Variants in COL10A1 observed in about 807,000 individuals in gnomAD.
The protein encoded by COL10A1 is collagen alpha-1(X) chain.
In COL10A1, 10 loss-of-function variants were observed where a neutral mutation model predicts 18.2. The ratio of observed to expected loss-of-function variants is 0.55; its 90% confidence interval spans 0.34 to 0.93. The LOEUF is 0.93. COL10A1 is among the 40% of genes least tolerant of loss of function. The pLI is 0.02. For missense variants in COL10A1, 897 were observed against 853.5 expected (o/e 1.05, Z -0.64); for synonymous variants, 330 against 316.6 (o/e 1.04, Z -0.45).
intron 1 of COL10A1, among the ~76,000 whole-genome samples, chr6:116,142,794 A>G (rs1349277290): frequency 6.6e-6 from 1 of 152,208 alleles, no homozygotes; most frequent in African/African-American, 2.4e-5. Context: ...GCTCAGACTG[A>G]AGATGTAAGG....
the COL10A1 span, among the ~76,000 whole-genome samples, chr6:116,205,826 A>G: frequency 6.6e-6 from 1 of 152,022 alleles, no homozygotes; most frequent in African/African-American, 2.4e-5. Flanking sequence ...TGAAAAAATC[A>G]AAGAGACCAA....
chr6:116,152,716 C>T (rs1348719752), intron 1 of COL10A1, among the ~76,000 whole-genome samples: 1 of 152,126 alleles, frequency 6.6e-6, no homozygotes, highest in Admixed American at 6.6e-5. Context: ...CTTTTTACAG[C>T]CATACTTCTT....
chr6:116,175,793 C>T, the COL10A1 span, among the ~76,000 whole-genome samples: 2 of 152,234 alleles, frequency 1.3e-5, 1 homozygote, highest in South Asian at 4.2e-4. Context: ...ACTGAAATAT[C>T]CTATCTACCC....
At chr6:116,152,161 T>G (rs906570873) in intron 1 of COL10A1, among the ~76,000 whole-genome samples, 1 of 152,204 alleles carries the variant, frequency 6.6e-6, no homozygotes, top group Non-Finnish European at 1.5e-5. Flanking sequence ...TCATTATACT[T>G]TCAGTATGGT....
chr6:116,127,760 C>T (rs1454708628), upstream of COL10A1, among the ~76,000 whole-genome samples: 2 of 152,118 alleles, frequency 1.3e-5, no homozygotes, highest in African/African-American at 2.4e-5. Context: ...CACACACATA[C>T]TGCTATTTGC....
rs188463601 is a variant in COL10A1 at position 116,134,945 on chromosome 6, C to A, written c.-15-9438G>T. Among the ~76,000 whole-genome samples, 3 of 152,242 alleles carry A rather than the reference C, an allele frequency of 2.0e-5. No homozygotes were observed. In the East Asian group the frequency reaches 5.8e-4, roughly 29 times the overall value. ...GAATCTTGGGAGTTTAGAGAGATTT[C>A]TTTAAATATCTCAGAAACCTGAACT... On this transcript the variant is annotated intron_variant, in intron 1 of 1. Coordinates refer to the COL10A1 transcript ENST00000418500.
chr6:116,216,362 G>T, the COL10A1 span, among the ~76,000 whole-genome samples: 1 of 150,038 alleles, frequency 6.7e-6, no homozygotes, highest in African/African-American at 2.5e-5. Context: ...TCTTAATCCT[G>T]GTAGCACATT....
At chr6:116,145,434 T>C (rs1779873563) in intron 1 of COL10A1, 1 of 377,680 alleles carries the variant, frequency 2.6e-6, no homozygotes, top group Non-Finnish European at 5.9e-6. Context: ...TTATTATCTC[T>C]TAGTAAGAAG....
the COL10A1 span, among the ~76,000 whole-genome samples, chr6:116,170,437 G>A: frequency 5.3e-5 from 8 of 152,226 alleles, no homozygotes; most frequent in African/African-American, 1.7e-4. Context: ...TTTTCCAACA[G>A]GGAAAGTACC....
At chr6:116,212,052 A>G in the COL10A1 span, among the ~76,000 whole-genome samples, 1 of 152,066 alleles carries the variant, frequency 6.6e-6, no homozygotes, top group African/African-American at 2.4e-5. Flanking sequence ...TATCCTATAT[A>G]TTTATGTTTG....
At chr6:116,161,082 A>G (rs980031534), upstream of COL10A1, among the ~76,000 whole-genome samples, 1 of 151,518 alleles carries the variant, frequency 6.6e-6, no homozygotes, top group African/African-American at 2.4e-5. Context: ...TCAGTAAACT[A>G]TCGTAAGAAC....
At chr6:116,145,436 A>T (rs1190733480) in intron 1 of COL10A1, 2 of 378,010 alleles carry the variant, frequency 5.3e-6, no homozygotes, top group Non-Finnish European at 1.2e-5. Flanking sequence ...ATTATCTCTT[A>T]GTAAGAAGAT....
chr6:116,190,138 A>G, the COL10A1 span, among the ~76,000 whole-genome samples: 3 of 151,954 alleles, frequency 2.0e-5, no homozygotes, highest in Non-Finnish European at 4.4e-5. Flanking sequence ...TGTAATATCT[A>G]TATCATACCT....
chr6:116,200,632 G>A, the COL10A1 span, among the ~76,000 whole-genome samples: 148 of 151,892 alleles, frequency 9.7e-4, 1 homozygote, highest in African/African-American at 3.4e-3. Context: ...GGATATTATC[G>A]AGCTCTGGTA....
chr6:116,192,161 G>A, the COL10A1 span, among the ~76,000 whole-genome samples: 1 of 151,984 alleles, frequency 6.6e-6, no homozygotes, highest in Non-Finnish European at 1.5e-5. Flanking sequence ...AATGGTGTGA[G>A]TTCAGAGTTA....
the COL10A1 span, among the ~76,000 whole-genome samples, chr6:116,174,195 T>C: frequency 6.6e-6 from 1 of 152,344 alleles, no homozygotes. Flanking sequence ...GCCATGTTTC[T>C]CTACTGTAAA....
At chr6:116,145,497 G>T in intron 1 of COL10A1, 1 of 367,832 alleles carries the variant, frequency 2.7e-6, no homozygotes. Context: ...ACTTATTTAA[G>T]AGATTAAAGT....
chr6:116,167,642 C>A, the COL10A1 span, among the ~76,000 whole-genome samples: 2 of 152,188 alleles, frequency 1.3e-5, no homozygotes, highest in Non-Finnish European at 2.9e-5. Context: ...TCTTACCCTT[C>A]TACCCTTCGT....
chr6:116,206,811 G>C, the COL10A1 span, among the ~76,000 whole-genome samples: 1 of 151,940 alleles, frequency 6.6e-6, no homozygotes, highest in Admixed American at 6.6e-5. Context: ...TCGAAGTCTA[G>C]TGCAGTTTCC....
Sources: allele counts gnomAD v4.1 joint callset (sites outside exome capture counted in the v4.1 genomes callset), GRCh38; gene constraint gnomAD v4.1.1; transcripts MANE v1.5; gene names NCBI Gene and HGNC (gene_info 2026-07-23, HGNC 2026-07-21).